ATP10B: variants seen among roughly 807,000 people sequenced by gnomAD.
The protein encoded by ATP10B is phospholipid-transporting ATPase VB.
ATP10B carries 122 observed loss-of-function variants against 141.2 expected under a neutral mutation model. The ratio of observed to expected loss-of-function variants is 0.86; its 90% CI spans 0.75 to 1.00. The LOEUF (loss-of-function observed/expected upper bound fraction) is 1.00. ATP10B is among the 50% of genes least tolerant of loss of function. The pLI, the probability that ATP10B is intolerant of heterozygous loss-of-function variation, is 0.00. For missense variants in ATP10B, 1,876 were observed against 1,825.3 expected (o/e 1.03, Z -0.51); for synonymous variants, 685 against 692.0 (o/e 0.99, Z 0.16).
chr5:160,798,239 G>A (rs1197550370), intron 1 of ATP10B, among the ~76,000 whole-genome samples: 2 of 152,180 alleles, frequency 1.3e-5, no homozygotes, highest in African/African-American at 4.8e-5. Context: ...AGCTCAGCTG[G>A]TGAAGTTGGG....
intron 1 of ATP10B, among the ~76,000 whole-genome samples, chr5:160,791,394 T>TG (rs1489830084): frequency 6.6e-6 from 1 of 152,196 alleles, no homozygotes; most frequent in Non-Finnish European, 1.5e-5. Context: ...AACCTGCCTG[T>TG]GCTCAGTAGG....
intron 24 of ATP10B, among the ~76,000 whole-genome samples, chr5:160,583,221 C>T (rs1482533071): frequency 1.3e-5 from 2 of 152,176 alleles, no homozygotes; most frequent in Non-Finnish European, 2.9e-5. Flanking sequence ...ATGGATTTAT[C>T]TACCTTCGGG....
Position 160,731,997 on chromosome 5 carries a change from A to C in ATP10B, c.-330-14963T>G, listed in dbSNP as rs988692411. On this transcript the variant is annotated intron_variant, in intron 2 of 25. Transcript: ENST00000327245. ...AGGATGTTGAACAGGTAAGACCCCCAAAAATGTGACCAATTCTCAAAGGAA... is the reference window on the plus strand; with the variant it reads ...AGGATGTTGAACAGGTAAGACCCCCCAAAATGTGACCAATTCTCAAAGGAA... Among the ~76,000 whole-genome samples, 7 of 152,164 alleles carry C rather than the reference A, an allele frequency of 4.6e-5. No homozygotes were observed. In the South Asian group the frequency reaches 1.5e-3, roughly 32 times the overall value.
intron 7 of ATP10B, among the ~76,000 whole-genome samples, chr5:160,650,118 TTA>T (rs147437606): frequency 8.9e-5 from 13 of 146,012 alleles, no homozygotes; most frequent in Admixed American, 1.4e-4. Context: ...AAAAAAAATT[TTA>T]TATATATATA....
chr5:160,620,098 G>A (rs1758239673), intron 15 of ATP10B, among the ~76,000 whole-genome samples: 1 of 152,240 alleles, frequency 6.6e-6, no homozygotes, highest in Non-Finnish European at 1.5e-5. Context: ...TGAAGTTAAA[G>A]ATGTTTATCT....
At chr5:160,587,311 ATATGTCTGTGTTGG>A (rs1317583760) in intron 24 of ATP10B, among the ~76,000 whole-genome samples, 1 of 152,072 alleles carries the variant, frequency 6.6e-6, no homozygotes, top group African/African-American at 2.4e-5. Context: ...CCATTGGTGT[ATATGTCTGTGTTGG>A]TTATTGTAGC....
intron 1 of ATP10B, among the ~76,000 whole-genome samples, chr5:160,817,648 C>T (rs1236752601): frequency 2.0e-5 from 3 of 152,200 alleles, no homozygotes; most frequent in African/African-American, 7.2e-5. Context: ...GCAAAAACTA[C>T]TTTAAAGTTC....
chr5:160,745,818 G>A (rs1191037272), intron 2 of ATP10B, among the ~76,000 whole-genome samples: 1 of 152,228 alleles, frequency 6.6e-6, no homozygotes, highest in African/African-American at 2.4e-5. Flanking sequence ...GGAACCCACA[G>A]CTCATGACCA....
At chr5:160,812,022 G>GAGACAGAGAC (rs796329889) in intron 1 of ATP10B, among the ~76,000 whole-genome samples, 79 of 8,266 alleles carry the variant, frequency 9.6e-3, no homozygotes, top group Non-Finnish European at 0.022. Flanking sequence ...GACAGAGACA[G>GAGACAGAGAC]AGAGAGAGAG....
chr5:160,587,772 T>C (rs1226692433), intron 24 of ATP10B, among the ~76,000 whole-genome samples: 3 of 152,264 alleles, frequency 2.0e-5, no homozygotes, highest in Non-Finnish European at 4.4e-5. Context: ...TTTTTGTACA[T>C]TGATTTTCTA....
chr5:160,635,476 A>G (rs977753534), intron 11 of ATP10B, among the ~76,000 whole-genome samples: 31 of 152,176 alleles, frequency 2.0e-4, no homozygotes, highest in Non-Finnish European at 3.4e-4. Context: ...GATTCTGTAC[A>G]TAGGAGGGGT....
At chr5:160,888,341 A>G in the ATP10B span, among the ~76,000 whole-genome samples, 1 of 152,236 alleles carries the variant, frequency 6.6e-6, no homozygotes, top group East Asian at 1.9e-4. Context: ...GCCAAGAGAG[A>G]AGGCAGCACC....
the ATP10B span, among the ~76,000 whole-genome samples, chr5:160,868,223 T>C: frequency 6.6e-6 from 1 of 152,260 alleles, no homozygotes; most frequent in East Asian, 1.9e-4. Flanking sequence ...AAAGAGTCAA[T>C]GCCTTTTTGA....
At chr5:160,610,656 ATTT>A (rs1378442245) in intron 18 of ATP10B, among the ~76,000 whole-genome samples, 1 of 152,160 alleles carries the variant, frequency 6.6e-6, no homozygotes, top group Admixed American at 6.5e-5. Flanking sequence ...TGAAGTTAAT[ATTT>A]TTTATCTGTT....
chr5:160,837,168 A>C (rs1775496960), intron 1 of ATP10B, among the ~76,000 whole-genome samples: 1 of 152,160 alleles, frequency 6.6e-6, no homozygotes, highest in South Asian at 2.1e-4. Flanking sequence ...TTATTATCAG[A>C]AAGAGTTTAT....
At chr5:160,771,328 T>G (rs114348172) in intron 2 of ATP10B, among the ~76,000 whole-genome samples, 1 of 152,230 alleles carries the variant, frequency 6.6e-6, no homozygotes, top group Non-Finnish European at 1.5e-5. Flanking sequence ...AAATACTGTC[T>G]AATAATACAG....
chr5:160,676,113 T>C (rs1763015930), intron 6 of ATP10B, among the ~76,000 whole-genome samples: 2 of 152,170 alleles, frequency 1.3e-5, no homozygotes, highest in South Asian at 2.1e-4. Flanking sequence ...GTTACATTAA[T>C]ACAGTATAAA....
At chr5:160,636,062 C>A in intron 11 of ATP10B, 120 bp downstream of exon 11, 1 of 1,144,766 alleles carries the variant, frequency 8.7e-7, no homozygotes, top group South Asian at 2.0e-5. Flanking sequence ...ATGACCATCT[C>A]CTCATCTCAA....
chr5:160,738,102 A>G (rs1426060001), intron 2 of ATP10B, among the ~76,000 whole-genome samples: 2 of 152,136 alleles, frequency 1.3e-5, no homozygotes, highest in African/African-American at 4.8e-5. Context: ...TTCTGACAAC[A>G]TAGAATTAGG....
Sources: gnomAD v4.1 joint callset for allele counts (sites outside exome capture counted in the v4.1 genomes callset) on GRCh38, gnomAD v4.1.1 for gene constraint, MANE v1.5 for transcripts, NCBI Gene and HGNC (gene_info 2026-07-23, HGNC 2026-07-21) for gene names.